The following TASOR2 variants were observed in gnomAD, a reference collection of about 807,000 sequenced individuals.
TASOR2 encodes the protein protein TASOR 2.
A neutral mutation model predicts 199.5 loss-of-function variants in TASOR2; 84 were observed. That is an observed-to-expected ratio of 0.42 (90% CI 0.35 to 0.50). The LOEUF (loss-of-function observed/expected upper bound fraction) is 0.50. TASOR2 is among the 20% of genes least tolerant of loss of function. The pLI is 0.02. For synonymous variants in TASOR2, 1,103 were observed against 1,046.6 expected, an observed-to-expected ratio of 1.05 and a Z score of -1.04; for missense variants, 2,796 against 2,835.9, an observed-to-expected ratio of 0.99 and a Z score of 0.32.
At position 5,699,775 on chromosome 10, in the gene TASOR2, A is replaced by G; in HGVS notation, c.-287-13048A>G. 1.1e-6 allele frequency: 1 copy of G among 891,860 alleles called. No homozygotes were observed. Among genetic ancestry groups the G allele is most frequent in the Non-Finnish European group, 1.3e-6 (1 of 744,712 alleles). The allele number at this position is 891,860 out of a possible 1,614,324, so 55.2% of individuals were successfully genotyped here. On this transcript the variant is annotated intron_variant, in intron 1 of 20. Coordinates refer to ENST00000328090, the Ensembl canonical transcript of TASOR2. This position sits in a 1 kb window ranked among gnomAD's most constrained non-coding sequence, Gnocchi z 4.1. Reference sequence around the variant, plus strand: ...TACCACAATTTTGATAATGCAAAGAAAGAAAACAAAAGATAGACAGGAGAA... The same window carrying G: ...TACCACAATTTTGATAATGCAAAGAGAGAAAACAAAAGATAGACAGGAGAA...
In TASOR2 at chr10:5,706,250, G is replaced by A. The variant is rs1838588974; in HGVS notation, c.-287-6573G>A. Among the ~76,000 whole-genome samples the A allele has an allele frequency of 6.6e-6, 1 of 152,064 alleles. No individual in the cohort carries two copies. Among genetic ancestry groups the A allele is most frequent in the Non-Finnish European group, 1.5e-5 (1 of 67,986 alleles). ...ACCTTGTCTTGACTACTTTAGCTTT[G>A]TAGTAATTCTCAAAATCAGGTAGTG... On this transcript the variant is annotated intron_variant, in intron 1 of 20. Transcript: ENST00000328090. The surrounding 1 kb of genome is among the most constrained non-coding windows in gnomAD (Gnocchi z 4.8).
At chr10:5,712,293 G>T (rs890414506) in intron 1 of TASOR2, 6 of 818,176 alleles carry the variant, frequency 7.3e-6, no homozygotes, top group Middle Eastern at 8.3e-4. Flanking sequence ...AGTTATATAG[G>T]AAAGGAATAG....
exon 15 of TASOR2, chr10:5,746,785 A>G (rs753406564): frequency 2.5e-6 from 4 of 1,614,072 alleles, no homozygotes; most frequent in African/African-American, 2.7e-5. Flanking sequence ...GAAGGGCACT[A>G]AGTACCTTTG....
rs772417012 is a variant in TASOR2 at position 5,685,294 on chromosome 10, C to T, written c.-288+119C>T. The T allele has an allele frequency of 1.0e-5, 4 of 396,520 alleles. No homozygotes were observed. The highest frequency in any genetic ancestry group is 1.8e-5 in the Non-Finnish European group (4 of 225,120). 24.6% of individuals were successfully genotyped at this position (396,520 alleles called of 1,614,324 possible). On this transcript the variant is annotated intron_variant, in intron 1 of 20. Coordinates refer to ENST00000328090, the Ensembl canonical transcript of TASOR2. The surrounding 1 kb of genome is among the most constrained non-coding windows in gnomAD (Gnocchi z 5.4). ...TGCGAGGGTCGACGCGTTCTCCTTG[C>T]CTTTTGCCGCGCTCCGGGTGAGGGG...
chr10:5,743,967 A>C (rs1278761076), intron 14 of TASOR2: 1 of 152,242 alleles, frequency 6.6e-6, no homozygotes, highest in South Asian at 2.1e-4. Context: ...GGATTCTAGC[A>C]TGATAGGCAC....
intron 1 of TASOR2, among the ~76,000 whole-genome samples, chr10:5,697,359 CAAAGAT>C (rs1837287693): frequency 6.6e-6 from 1 of 152,152 alleles, no homozygotes; most frequent in Non-Finnish European, 1.5e-5. Context: ...AGTTCTGTGA[CAAAGAT>C]AAAGTTGCGC....
At chr10:5,703,049 T>C (rs1172789801) in intron 1 of TASOR2, among the ~76,000 whole-genome samples, 1 of 152,180 alleles carries the variant, frequency 6.6e-6, no homozygotes, top group Non-Finnish European at 1.5e-5. Flanking sequence ...TGGCTGGTAG[T>C]TTTAAACATT....
At position 5,711,407 on chromosome 10, in the gene TASOR2, A is replaced by G. The variant is rs550131181; in HGVS notation, c.-287-1416A>G. ...AGGAAGCCATATTACTGTACTTCATAACATTTATACTATATGACCAGTACT... is the reference window on the plus strand; with the variant it reads ...AGGAAGCCATATTACTGTACTTCATGACATTTATACTATATGACCAGTACT... On this transcript the variant is annotated intron_variant, in intron 1 of 20. Transcript: ENST00000328090. Among the ~76,000 whole-genome samples the G allele has an allele frequency of 2.6e-5, 4 of 152,224 alleles. No homozygotes were observed. The East Asian group carries it at 7.7e-4, about 29-fold the overall frequency.
At chr10:5,726,051 T>G (rs1052811173) in intron 8 of TASOR2, among the ~76,000 whole-genome samples, 2 of 152,324 alleles carry the variant, frequency 1.3e-5, no homozygotes, top group Non-Finnish European at 2.9e-5. Flanking sequence ...CACCTCTCAG[T>G]TTTGAAATAA....
intron 12 of TASOR2, 136 bp from the exon 14 acceptor site, chr10:5,739,482 A>T: frequency 1.3e-6 from 1 of 779,886 alleles, no homozygotes; most frequent in Non-Finnish European, 2.0e-6. Context: ...CCTTAATCTA[A>T]TAGAAAATTT....
chr10:5,721,573 T>A (rs1242512849), intron 6 of TASOR2, among the ~76,000 whole-genome samples: 1 of 151,620 alleles, frequency 6.6e-6, no homozygotes, highest in African/African-American at 2.4e-5. Context: ...TAAGAAGAGG[T>A]AGGAGTATAA....
intron 17 of TASOR2, 131 bp from the exon 19 acceptor site, chr10:5,758,756 G>C: frequency 1.5e-6 from 1 of 652,014 alleles, no homozygotes; most frequent in South Asian, 1.9e-5. Context: ...AAGTGACAGT[G>C]ATGGTGTGTA....
At chr10:5,691,189 CAAAA>C (rs369679242) in intron 1 of TASOR2, among the ~76,000 whole-genome samples, 8 of 100,224 alleles carry the variant, frequency 8.0e-5, no homozygotes, top group Admixed American at 6.0e-4. Flanking sequence ...GACTCCGTCT[CAAAA>C]AAAAAAAAAA....
chr10:5,703,982 G>C (rs1051791914), intron 1 of TASOR2, among the ~76,000 whole-genome samples: 1 of 151,802 alleles, frequency 6.6e-6, no homozygotes, highest in Non-Finnish European at 1.5e-5. Context: ...CAGCACTTTG[G>C]GGGGCCCAGG....
chr10:5,706,766 G>T lies in TASOR2; in HGVS notation c.-287-6057G>T, dbSNP rs1838665695. Reference sequence around the variant, plus strand: ...GCCTGTAATTCCAGCACTTTGGGAGGCCGAGGTATGCAGATCACTTGAGGC... The same window carrying T: ...GCCTGTAATTCCAGCACTTTGGGAGTCCGAGGTATGCAGATCACTTGAGGC... On this transcript the variant is annotated intron_variant, in intron 1 of 20. Coordinates refer to ENST00000328090, the Ensembl canonical transcript of TASOR2. This position sits in a 1 kb window ranked among gnomAD's most constrained non-coding sequence, Gnocchi z 4.8. Among the ~76,000 whole-genome samples, 1 of 152,184 alleles carries T rather than the reference G, an allele frequency of 6.6e-6. No homozygotes were observed. Among genetic ancestry groups the T allele is most frequent in the African/African-American group, 2.4e-5 (1 of 41,434 alleles).
At position 5,742,510 on chromosome 10, in the gene TASOR2, G is replaced by A. The variant is rs78692345; in HGVS notation, c.2741G>A (p.Cys914Tyr). 8.4e-4 allele frequency: 1,349 copies of A among 1,613,154 alleles called. 10 individuals carry two copies. The African/African-American group carries it at 0.016, about 19-fold the overall frequency. The change falls in exon 14 of 21, where the codon TGT (cysteine) becomes TAT (tyrosine). Residue 914 changes from cysteine (C) to tyrosine (Y), a missense_variant. Transcript: ENST00000328090. The surrounding 1 kb of genome is among the most constrained non-coding windows in gnomAD (Gnocchi z 4.2). The stretch of plus-strand genomic sequence containing the variant: ...ACCCAAGAAGACCAGAATTTCATCT[G>A]TTCTTACAATAATGAGGTATGTAAA...
chr10:5,756,527 A>C, intron 15 of TASOR2, 86 bp from the exon 17 acceptor site: 1 of 1,405,626 alleles, frequency 7.1e-7, no homozygotes, highest in Non-Finnish European at 9.7e-7. Context: ...ATTAGACTAT[A>C]CTGCTTTTCA....
At chr10:5,756,692 T>G in exon 16 of TASOR2, 1 of 1,613,498 alleles carries the variant, frequency 6.2e-7, no homozygotes, top group East Asian at 2.2e-5. Context: ...AATGATACAC[T>G]AATCATCATC....
rs769992051 is a variant in TASOR2, at chr10:5,735,369, C to G, written c.1270C>G (p.Pro424Ala). 5 of 1,614,084 alleles carry G rather than the reference C, an allele frequency of 3.1e-6. No individual in the cohort carries two copies. In the South Asian group the frequency reaches 4.4e-5, roughly 14 times the overall value. ...ATTGGATAGGAAAAACCAAGAAGCT[C>G]CTATTTCTAAAGATGTTCCAGTGCC... The change falls in exon 12 of 21, where the codon CCT becomes GCT. Residue 424 changes from proline (P) to alanine (A), a missense_variant. Coordinates refer to ENST00000328090, the Ensembl canonical transcript of TASOR2.
Sources: gnomAD v4.1 joint callset for allele counts (sites outside exome capture counted in the v4.1 genomes callset) on GRCh38, gnomAD v4.1.1 for gene constraint, Gnocchi (gnomAD v3.1) non-coding constraint, MANE v1.5 for transcripts, NCBI Gene and HGNC (gene_info 2026-07-23, HGNC 2026-07-21) for gene names.